Variants in AKAP19 observed in about 807,000 individuals in gnomAD.
AKAP19 encodes small A-kinase anchoring protein.
the AKAP19 span, among the ~76,000 whole-genome samples, chr2:189,900,079 T>C: frequency 1.3e-5 from 2 of 152,194 alleles, no homozygotes; most frequent in African/African-American, 4.8e-5. Context: ...GTCATTAATA[T>C]AGACTAGAAT....
At chr2:190,028,932 A>G in the AKAP19 span, among the ~76,000 whole-genome samples, 5 of 152,234 alleles carry the variant, frequency 3.3e-5, no homozygotes, top group Non-Finnish European at 5.9e-5. Flanking sequence ...TCTGGAAAGC[A>G]GTTTGGAAAT....
At chr2:190,013,136 G>A in the AKAP19 span, among the ~76,000 whole-genome samples, 1 of 152,126 alleles carries the variant, frequency 6.6e-6, no homozygotes, top group Non-Finnish European at 1.5e-5. Context: ...AAAAGAGTTT[G>A]AAAATAATCC....
chr2:190,153,872 G>A, the AKAP19 span, among the ~76,000 whole-genome samples: 2,583 of 152,126 alleles, frequency 0.017, 73 homozygotes, highest in African/African-American at 0.058. Context: ...TAAGGCTTTA[G>A]TATCATCAAT....
At chr2:190,063,295 T>C in the AKAP19 span, among the ~76,000 whole-genome samples, 1 of 152,126 alleles carries the variant, frequency 6.6e-6, no homozygotes, top group Non-Finnish European at 1.5e-5. Context: ...AAATTCTTAG[T>C]AAATATTGGA....
At chr2:190,027,917 T>A in the AKAP19 span, among the ~76,000 whole-genome samples, 1 of 152,218 alleles carries the variant, frequency 6.6e-6, no homozygotes, top group Non-Finnish European at 1.5e-5. Flanking sequence ...GGGTGCTTTT[T>A]TATTTGTTTT....
the AKAP19 span, among the ~76,000 whole-genome samples, chr2:190,144,756 C>A: frequency 2.6e-5 from 4 of 151,846 alleles, no homozygotes; most frequent in Admixed American, 2.0e-4. Context: ...GTGGGCAGAT[C>A]ACCTGAGGTC....
chr2:190,084,538 C>T, the AKAP19 span, among the ~76,000 whole-genome samples: 1 of 152,100 alleles, frequency 6.6e-6, no homozygotes, highest in East Asian at 1.9e-4. Context: ...TATTATATAA[C>T]TCTTTAATGT....
the AKAP19 span, among the ~76,000 whole-genome samples, chr2:189,952,999 T>C: frequency 1.3e-5 from 2 of 152,150 alleles, no homozygotes; most frequent in Middle Eastern, 3.2e-3. Context: ...CAACAGAAAT[T>C]AAAAATAGGA....
the AKAP19 span, among the ~76,000 whole-genome samples, chr2:190,001,298 G>A: frequency 0.052 from 7,937 of 152,046 alleles, 727 homozygotes; most frequent in African/African-American, 0.18. Flanking sequence ...CTTTGAAATC[G>A]TTGTTAAATA....
the AKAP19 span, among the ~76,000 whole-genome samples, chr2:190,197,372 C>T: frequency 6.6e-6 from 1 of 152,188 alleles, no homozygotes; most frequent in Non-Finnish European, 1.5e-5. The surrounding 1 kb of genome is among the most constrained non-coding windows in gnomAD (Gnocchi z 4.0). Context: ...TGTATAACTT[C>T]TGGTGTCACT....
chr2:190,188,779 C>T, the AKAP19 span, among the ~76,000 whole-genome samples: 1 of 152,054 alleles, frequency 6.6e-6, no homozygotes, highest in East Asian at 1.9e-4. Flanking sequence ...TTCACATGAA[C>T]TTTTTTTTCC....
At chr2:190,200,199 G>T in the AKAP19 span, 2 of 1,511,874 alleles carry the variant, frequency 1.3e-6, no homozygotes, top group Non-Finnish European at 1.8e-6. Flanking sequence ...TTGAATAAAT[G>T]TGACAAAAGC....
At chr2:189,886,185 G>A in the AKAP19 span, among the ~76,000 whole-genome samples, 3 of 152,102 alleles carry the variant, frequency 2.0e-5, no homozygotes, top group African/African-American at 7.2e-5. Flanking sequence ...GTATTTTTGA[G>A]GCTTCTTTAT....
At chr2:190,152,347 C>T in the AKAP19 span, among the ~76,000 whole-genome samples, 4 of 152,132 alleles carry the variant, frequency 2.6e-5, no homozygotes, top group South Asian at 2.1e-4. Context: ...TCTTTTCTTT[C>T]AACTTGCCAC....
At chr2:189,961,289 G>A in the AKAP19 span, among the ~76,000 whole-genome samples, 1 of 152,126 alleles carries the variant, frequency 6.6e-6, no homozygotes, top group African/African-American at 2.4e-5. Context: ...GCCAGGAGAA[G>A]GTGGAGGGAG....
chr2:189,967,246 T>C, the AKAP19 span, among the ~76,000 whole-genome samples: 1 of 152,230 alleles, frequency 6.6e-6, no homozygotes, highest in Non-Finnish European at 1.5e-5. Context: ...CCTGGGTTCC[T>C]GGATAGCAAT....
At chr2:190,097,012 A>T in the AKAP19 span, among the ~76,000 whole-genome samples, 10 of 152,304 alleles carry the variant, frequency 6.6e-5, no homozygotes, top group Admixed American at 2.0e-4. Flanking sequence ...TTGGCGAGAG[A>T]CACAAACATT....
chr2:190,159,528 G>A, the AKAP19 span, among the ~76,000 whole-genome samples: 1 of 152,136 alleles, frequency 6.6e-6, no homozygotes, highest in African/African-American at 2.4e-5. Flanking sequence ...GAGTGTTGTG[G>A]TTCTGTCATA....
chr2:189,883,407 C>T, the AKAP19 span, among the ~76,000 whole-genome samples: 3 of 152,088 alleles, frequency 2.0e-5, no homozygotes, highest in African/African-American at 7.2e-5. Flanking sequence ...CCTGACTATG[C>T]TGTTATAGAC....
Sources: allele counts gnomAD v4.1 joint callset (sites outside exome capture counted in the v4.1 genomes callset), GRCh38; gene constraint gnomAD v4.1.1; non-coding constraint Gnocchi (gnomAD v3.1); transcripts MANE v1.5; gene names NCBI Gene and HGNC (gene_info 2026-07-23, HGNC 2026-07-21).